The following RXFP1 variants were observed in gnomAD, a reference collection of about 807,000 sequenced individuals.
RXFP1 encodes relaxin family peptide receptor 1, also known as relaxin receptor 1.
Under a neutral mutation model 89.8 loss-of-function variants are expected in RXFP1, and 73 were observed. That is an observed-to-expected ratio of 0.81 (90% confidence interval 0.67 to 0.99). The LOEUF is 0.99. Ranked by LOEUF, RXFP1 falls within the 50% of genes least tolerant of loss-of-function variation. The probability of loss-of-function intolerance (pLI) is 0.00; values close to 1 mark genes in which losing one functional copy is unlikely to be tolerated. For synonymous variants in RXFP1, 277 were observed against 305.5 expected (o/e 0.91, Z 0.97); for missense variants, 793 against 895.5 (o/e 0.89, Z 1.46).
At chr4:158,618,041 G>A (rs1022270904) in intron 9 of RXFP1, among the ~76,000 whole-genome samples, 2 of 152,076 alleles carry the variant, frequency 1.3e-5, no homozygotes, top group African/African-American at 2.4e-5. Context: ...GTACTAATCT[G>A]CAACCTCTCA....
chr4:158,562,076 T>C (rs555042995), intron 1 of RXFP1, among the ~76,000 whole-genome samples: 3 of 152,300 alleles, frequency 2.0e-5, no homozygotes, highest in Admixed American at 1.3e-4. Context: ...AGTTTGAACT[T>C]AATTGCCTGT....
chr4:158,560,338 C>T (rs6832186), intron 1 of RXFP1, among the ~76,000 whole-genome samples: 27,692 of 152,148 alleles, frequency 0.18, 3,192 homozygotes, highest in African/African-American at 0.3. Context: ...AGCCTGAAGG[C>T]ATTTGTATGG....
intron 9 of RXFP1, among the ~76,000 whole-genome samples, 164 bp from the exon 10 acceptor site, chr4:158,626,654 TTA>T (rs1554019719): frequency 6.6e-6 from 1 of 151,896 alleles, no homozygotes; most frequent in Non-Finnish European, 1.5e-5. Context: ...ATATAGATAT[TTA>T]TATATATAAT....
intron 9 of RXFP1, among the ~76,000 whole-genome samples, chr4:158,617,434 T>A (rs561491656): frequency 0.045 from 6,312 of 140,862 alleles, 435 homozygotes; most frequent in African/African-American, 0.16. Flanking sequence ...AAAATATATA[T>A]ATATATATAT....
chr4:158,607,230 C>T (rs1762693577), intron 5 of RXFP1: 8 of 833,520 alleles, frequency 9.6e-6, no homozygotes, highest in Admixed American at 2.0e-5. Flanking sequence ...AACTCAAGGT[C>T]GTATTTTCAG....
At chr4:158,528,131 G>A (rs979848780) in intron 1 of RXFP1, among the ~76,000 whole-genome samples, 1 of 152,132 alleles carries the variant, frequency 6.6e-6, no homozygotes, top group African/African-American at 2.4e-5. Flanking sequence ...AGGAGAGAAA[G>A]GTTCTCATTG....
intron 6 of RXFP1, among the ~76,000 whole-genome samples, chr4:158,611,787 G>A (rs1343857931): frequency 6.6e-6 from 1 of 152,142 alleles, no homozygotes; most frequent in East Asian, 1.9e-4. Context: ...CTGCTTCCCT[G>A]ACATTACAAA....
At chr4:158,633,601 A>G (rs1014486131) in intron 12 of RXFP1, 125 bp downstream of exon 12, 1 of 544,422 alleles carries the variant, frequency 1.8e-6, no homozygotes, top group Non-Finnish European at 3.2e-6. Context: ...CTACATTCAC[A>G]TTGCTGCCCA....
In RXFP1 at chr4:158,598,724, C is replaced by T. The variant is rs541012629; in HGVS notation, c.287-602C>T. On this transcript the variant is annotated intron_variant, in intron 3 of 17. Coordinates refer to ENST00000307765, the MANE Select transcript of RXFP1 (RefSeq NM_021634.4). ...ACACCAGTGAAAATAGAATCCTATG[C>T]AGAAAAAACATTCACTCCCATAAAT... Among the ~76,000 whole-genome samples the T allele has an allele frequency of 2.6e-5, 4 of 151,944 alleles. No individual in the cohort carries two copies. The East Asian group carries it at 7.7e-4, about 29-fold the overall frequency.
intron 1 of RXFP1, among the ~76,000 whole-genome samples, chr4:158,571,395 G>T (rs994965615): frequency 6.6e-6 from 1 of 152,156 alleles, no homozygotes; most frequent in Non-Finnish European, 1.5e-5. Flanking sequence ...GGCTGGGCGC[G>T]GTGGCTCACA....
At chr4:158,635,778 C>T (rs1561179482) in intron 12 of RXFP1, among the ~76,000 whole-genome samples, 1 of 152,058 alleles carries the variant, frequency 6.6e-6, no homozygotes. Context: ...CTGTGGCTCC[C>T]CCAGCAGTTC....
intron 4 of RXFP1, 106 bp downstream of exon 4, chr4:158,599,537 G>A: frequency 1.1e-6 from 1 of 935,374 alleles, no homozygotes; most frequent in Non-Finnish European, 1.5e-6. Flanking sequence ...ATTCAAAGAT[G>A]ATGTCATTTT....
chr4:158,619,535 G>A (rs995061749), intron 9 of RXFP1, among the ~76,000 whole-genome samples: 2 of 152,156 alleles, frequency 1.3e-5, no homozygotes, highest in Non-Finnish European at 2.9e-5. Context: ...TAAAAGAACT[G>A]GGAACCCCAT....
In RXFP1 at chr4:158,545,287, G is replaced by A. The variant is rs571166122; in HGVS notation, c.49+23262G>A. Among the ~76,000 whole-genome samples, 312 of 152,168 alleles carry A rather than the reference G, an allele frequency of 2.1e-3. 1 individual carries two copies. The highest frequency in any genetic ancestry group is 3.7e-3 in the Non-Finnish European group (254 of 68,004). Reference sequence around the variant, plus strand: ...TGTTCATATCCTTCGCCCACTTTTTGATGGGGTTGTTTGTTTTTTTCTTGT... The same window carrying A: ...TGTTCATATCCTTCGCCCACTTTTTAATGGGGTTGTTTGTTTTTTTCTTGT... On this transcript the variant is annotated intron_variant, in intron 1 of 17. Coordinates refer to ENST00000307765, the MANE Select transcript of RXFP1 (RefSeq NM_021634.4).
intron 1 of RXFP1, among the ~76,000 whole-genome samples, chr4:158,548,003 C>G (rs1748981330): frequency 2.0e-5 from 3 of 152,060 alleles, no homozygotes; most frequent in South Asian, 2.1e-4. Context: ...CCTGGGTATC[C>G]TTGTTAACTT....
chr4:158,612,020 G>C (rs1763674555), intron 6 of RXFP1, 110 bp from the exon 7 acceptor site: 1 of 798,440 alleles, frequency 1.3e-6, no homozygotes, highest in Admixed American at 2.6e-5. Flanking sequence ...GAAGTGGCAT[G>C]ATGAGAATGC....
At chr4:158,622,632 G>A (rs899319818) in intron 9 of RXFP1, among the ~76,000 whole-genome samples, 5 of 152,170 alleles carry the variant, frequency 3.3e-5, no homozygotes, top group South Asian at 2.1e-4. Context: ...AAAATACTGC[G>A]TAATCTCATT....
At chr4:158,637,063 A>G (rs922691468) in intron 12 of RXFP1, among the ~76,000 whole-genome samples, 5 of 152,162 alleles carry the variant, frequency 3.3e-5, no homozygotes, top group Non-Finnish European at 7.4e-5. Flanking sequence ...TGTTGTTGCA[A>G]ATGACAGGAT....
chr4:158,626,152 A>ATAGATAGATAGATAGATAGT (rs1766758999), intron 9 of RXFP1, among the ~76,000 whole-genome samples: 6 of 144,588 alleles, frequency 4.1e-5, no homozygotes, highest in Admixed American at 7.6e-5. Flanking sequence ...AGATAGATAG[A>ATAGATAGATAGATAGATAGT]TAGATAGATA....
Sources: gnomAD v4.1 joint callset for allele counts (sites outside exome capture counted in the v4.1 genomes callset) on GRCh38, gnomAD v4.1.1 for gene constraint, MANE v1.5 for transcripts, NCBI Gene and HGNC (gene_info 2026-07-23, HGNC 2026-07-21) for gene names.